Variants in TAFA1 observed in about 807,000 individuals in gnomAD.
TAFA1 encodes TAFA chemokine like family member 1.
Under a neutral mutation model 18.5 loss-of-function variants are expected in TAFA1, and 4 were observed. The ratio of observed to expected loss-of-function variants is 0.22; its 90% CI spans 0.11 to 0.49. TAFA1 has a LOEUF of 0.49. TAFA1 is among the 20% of genes least tolerant of loss of function. The pLI is 0.98. For missense variants in TAFA1, 147 were observed against 169.0 expected (o/e 0.87, Z 0.72); for synonymous variants, 56 against 55.2 (o/e 1.01, Z -0.06).
At chr3:68,319,487 C>T (rs930667472) in intron 2 of TAFA1, among the ~76,000 whole-genome samples, 3 of 152,178 alleles carry the variant, frequency 2.0e-5, no homozygotes, top group South Asian at 2.1e-4. Context: ...CAGAGCAATC[C>T]TCATCCCCAG....
chr3:68,127,040 T>C (rs535217271), intron 2 of TAFA1, among the ~76,000 whole-genome samples: 20 of 152,322 alleles, frequency 1.3e-4, no homozygotes, highest in Admixed American at 1.2e-3. Context: ...CCTGAAAAGA[T>C]AAAATGCATA....
intron 3 of TAFA1, among the ~76,000 whole-genome samples, chr3:68,420,554 C>T (rs1028944726): frequency 6.6e-6 from 1 of 152,058 alleles, no homozygotes; most frequent in Non-Finnish European, 1.5e-5. Flanking sequence ...GTTAAAAAGT[C>T]AAGTTTGGGG....
chr3:68,400,787 G>A (rs2070471693), intron 2 of TAFA1, among the ~76,000 whole-genome samples: 1 of 152,106 alleles, frequency 6.6e-6, no homozygotes, highest in Non-Finnish European at 1.5e-5. Context: ...TACACTAGGT[G>A]GAAACAAGAA....
chr3:68,412,839 G>A (rs1311647894), intron 2 of TAFA1, among the ~76,000 whole-genome samples: 1 of 152,084 alleles, frequency 6.6e-6, no homozygotes, highest in Non-Finnish European at 1.5e-5. Flanking sequence ...ATAAACATAC[G>A]TGTGCATGTG....
At chr3:68,394,645 C>T (rs2070337569) in intron 2 of TAFA1, among the ~76,000 whole-genome samples, 1 of 152,070 alleles carries the variant, frequency 6.6e-6, no homozygotes, top group African/African-American at 2.4e-5. Context: ...TCACAAATAA[C>T]ACTATGCATC....
chr3:68,487,913 A>T (rs1463219696), intron 3 of TAFA1, among the ~76,000 whole-genome samples: 1 of 151,762 alleles, frequency 6.6e-6, no homozygotes, highest in African/African-American at 2.4e-5. Flanking sequence ...CATGTATTGG[A>T]GGGTTTTACA....
At chr3:68,476,910 T>A (rs1177425587) in intron 3 of TAFA1, among the ~76,000 whole-genome samples, 1 of 152,170 alleles carries the variant, frequency 6.6e-6, no homozygotes, top group Non-Finnish European at 1.5e-5. Context: ...GATCAATGTA[T>A]AACATAAATA....
chr3:68,360,411 T>C (rs1474847747), intron 2 of TAFA1, among the ~76,000 whole-genome samples: 1 of 152,002 alleles, frequency 6.6e-6, no homozygotes, highest in Non-Finnish European at 1.5e-5. Context: ...CCAGTACATA[T>C]GTTGGCATAA....
At chr3:68,264,465 C>A (rs2067501067) in intron 2 of TAFA1, among the ~76,000 whole-genome samples, 1 of 151,966 alleles carries the variant, frequency 6.6e-6, no homozygotes, top group South Asian at 2.1e-4. Flanking sequence ...GTCACTCCAG[C>A]CAATGAAATG....
chr3:68,376,590 T>A (rs928852617), intron 2 of TAFA1, among the ~76,000 whole-genome samples: 1 of 152,172 alleles, frequency 6.6e-6, no homozygotes, highest in African/African-American at 2.4e-5. Context: ...AGGATCTCAT[T>A]CTTTTTTACA....
intron 2 of TAFA1, among the ~76,000 whole-genome samples, chr3:68,027,319 C>T (rs1704838741): frequency 2.0e-5 from 3 of 152,106 alleles, no homozygotes; most frequent in Admixed American, 2.0e-4. Context: ...CCTGAGGACA[C>T]TGGGGCTATG....
At chr3:68,271,529 G>A (rs9826468) in intron 2 of TAFA1, among the ~76,000 whole-genome samples, 9,889 of 152,156 alleles carry the variant, frequency 0.065, 367 homozygotes, top group East Asian at 0.11. Flanking sequence ...GAAAAACAGC[G>A]ATTTCTAAGA....
At chr3:68,110,160 T>A (rs1252487087) in intron 2 of TAFA1, among the ~76,000 whole-genome samples, 1 of 152,104 alleles carries the variant, frequency 6.6e-6, no homozygotes, top group Admixed American at 6.6e-5. Flanking sequence ...CCAGTGGGTG[T>A]TGTTTCCCCT....
At chr3:68,539,683 GGGCAT>G (rs200661376) in intron 4 of TAFA1, among the ~76,000 whole-genome samples, 1,116 of 20,268 alleles carry the variant, frequency 0.055, 141 homozygotes, top group East Asian at 0.23. Context: ...GTGTGTGGGG[GGGCAT>G]GGGGTGGGTG....
At chr3:68,113,888 GTTTTTTTTGTT>G (rs2065292531) in intron 2 of TAFA1, among the ~76,000 whole-genome samples, 1 of 57,860 alleles carries the variant, frequency 1.7e-5, no homozygotes, top group African/African-American at 7.1e-5. Flanking sequence ...TTGGGGTGTA[GTTTTTTTTGTT>G]TTTTTTTTTT....
chr3:68,359,096 C>T (rs1184444459), intron 2 of TAFA1, among the ~76,000 whole-genome samples: 1 of 152,014 alleles, frequency 6.6e-6, no homozygotes, highest in Non-Finnish European at 1.5e-5. Context: ...ACTCTTGGGC[C>T]AGATATCATA....
At chr3:68,380,873 G>A (rs1575819241) in intron 2 of TAFA1, among the ~76,000 whole-genome samples, 1 of 149,258 alleles carries the variant, frequency 6.7e-6, no homozygotes, top group African/African-American at 2.5e-5. Context: ...GTATTGCCTA[G>A]GTTTTCTTCT....
chr3:68,326,510 G>C (rs1415704739), intron 2 of TAFA1, among the ~76,000 whole-genome samples: 1 of 152,168 alleles, frequency 6.6e-6, no homozygotes, highest in African/African-American at 2.4e-5. Flanking sequence ...GTTGACCTGA[G>C]AGTTTGCTTG....
chr3:68,517,171 A>G (rs2072935789), intron 3 of TAFA1, among the ~76,000 whole-genome samples: 1 of 152,210 alleles, frequency 6.6e-6, no homozygotes, highest in African/African-American at 2.4e-5. Context: ...TCAAAAATAT[A>G]TTCATCTCCA....
Sources: gnomAD v4.1 joint callset for allele counts (sites outside exome capture counted in the v4.1 genomes callset) on GRCh38, gnomAD v4.1.1 for gene constraint, MANE v1.5 for transcripts, NCBI Gene and HGNC (gene_info 2026-07-23, HGNC 2026-07-21) for gene names.